The following ACACA variants were observed in gnomAD, a reference collection of about 807,000 sequenced individuals.
ACACA encodes the protein acetyl-CoA carboxylase alpha, also known as acetyl-CoA carboxylase 1.
Under a neutral mutation model 296.1 loss-of-function variants are expected in ACACA, and 103 were observed. The ratio of observed to expected loss-of-function variants is 0.35; its 90% CI spans 0.30 to 0.41. ACACA has a LOEUF of 0.41. Ranked by LOEUF, ACACA falls within the 10% of genes least tolerant of loss-of-function variation. The pLI, the probability that ACACA is intolerant of heterozygous loss-of-function variation, is 1.00. For synonymous variants in ACACA, 953 were observed against 1,038.6 expected (o/e 0.92, Z 1.58); for missense variants, 1,554 against 2,989.7 (o/e 0.52, Z 11.20).
At chr17:37,186,689 G>T (rs1052303847) in intron 39 of ACACA, among the ~76,000 whole-genome samples, 1 of 152,078 alleles carries the variant, frequency 6.6e-6, no homozygotes, top group African/African-American at 2.4e-5. Context: ...TCTTCCTTCA[G>T]GGCTTTTAAA....
rs945091196 is a variant in ACACA, at chr17:37,192,406, G to A, written c.4201-101C>T. 9.9e-6 allele frequency: 11 copies of A among 1,106,746 alleles called. No individual in the cohort carries two copies. In the African/African-American group the frequency reaches 1.7e-4, roughly 17 times the overall value. 68.6% of individuals were successfully genotyped at this position (1,106,746 alleles called of 1,614,324 possible). ...GAGATGCCTGAAAATAGAAACATAAGCTATGATGTGCTAATGAGCAACAAA... is the reference window on the plus strand; with the variant it reads ...GAGATGCCTGAAAATAGAAACATAAACTATGATGTGCTAATGAGCAACAAA... On this transcript the variant is annotated intron_variant, in intron 36 of 55. Coordinates refer to ENST00000616317, the MANE Select transcript of ACACA (RefSeq NM_198834.3).
intron 47 of ACACA, among the ~76,000 whole-genome samples, chr17:37,128,037 A>C (rs941567881): frequency 2.0e-5 from 3 of 148,090 alleles, no homozygotes; most frequent in Admixed American, 6.7e-5. Context: ...AAAAAAAAAA[A>C]AAAAAAAAAA....
chr17:37,193,805 T>C (rs2077868840), intron 35 of ACACA, among the ~76,000 whole-genome samples: 1 of 152,206 alleles, frequency 6.6e-6, no homozygotes, highest in Non-Finnish European at 1.5e-5. Context: ...TTTCCCAAGT[T>C]ACTCTTTAAG....
At chr17:37,228,180 A>G (rs2079642012) in intron 25 of ACACA, among the ~76,000 whole-genome samples, 1 of 145,290 alleles carries the variant, frequency 6.9e-6, no homozygotes, top group East Asian at 2.0e-4. Flanking sequence ...ACTCAATGCC[A>G]TTATGCTGGG....
At chr17:37,309,944 T>C (rs2084053588) in intron 3 of ACACA, among the ~76,000 whole-genome samples, 1 of 151,948 alleles carries the variant, frequency 6.6e-6, no homozygotes, top group African/African-American at 2.4e-5. Context: ...ACCCAGGTAC[T>C]TGGGAGTCTG....
At position 37,205,804 on chromosome 17, in the gene ACACA, G is replaced by T. The variant is rs775079701; in HGVS notation, c.4017C>A (p.Asp1339Glu). The T allele has an allele frequency of 2.5e-6, 4 of 1,613,530 alleles. No individual in the cohort carries two copies. Among genetic ancestry groups the T allele is most frequent in the Non-Finnish European group, 3.4e-6 (4 of 1,179,910 alleles). Reference sequence around the variant, plus strand: ...ATTCTCTGAACATAGCTGCCAGCCTGTCATCCTCAATATCACAGTCAGTCT... The same window carrying T: ...ATTCTCTGAACATAGCTGCCAGCCTTTCATCCTCAATATCACAGTCAGTCT... Reference protein sequence around the residue: ...AIKTDCDIEDDRLAAMFREFT... With the variant: ...AIKTDCDIEDERLAAMFREFT... The change falls in exon 33 of 56, where the codon GAC becomes GAA. Residue 1339 changes from aspartate (D) to glutamate (E), a missense_variant. By Grantham distance (45) the Asp-to-Glu change is conservative. Around this residue, in one of 16 missense-constraint regions of ACACA, gnomAD observed 179 missense variants for 283.2 expected, o/e 0.63. Transcript: ENST00000616317.
chr17:37,301,662 T>C (rs2083623217), intron 3 of ACACA, among the ~76,000 whole-genome samples: 1 of 152,254 alleles, frequency 6.6e-6, no homozygotes, highest in Non-Finnish European at 1.5e-5. Flanking sequence ...TCCATTGACC[T>C]ATATGCCTAG....
intron 45 of ACACA, among the ~76,000 whole-genome samples, chr17:37,139,876 C>T (rs1374660635): frequency 6.6e-6 from 1 of 152,176 alleles, no homozygotes; most frequent in Non-Finnish European, 1.5e-5. Context: ...TGAGACAAGA[C>T]CAGACTCTGA....
chr17:37,406,542 A>G lies in ACACA; in HGVS notation c.-243T>C, dbSNP rs1304537238. On this transcript the variant is annotated 5_prime_UTR_variant, in exon 1 of 56. Coordinates refer to ENST00000616317, the MANE Select transcript of ACACA (RefSeq NM_198834.3). ...TTCCCTTGCTGCAACAGGGGTGGAG[A>G]TGGGAACGTTATCCCCAAACCCAGG... 1.6e-6 allele frequency: 1 copy of G among 607,584 alleles called. No individual in the cohort carries two copies. Among genetic ancestry groups the G allele is most frequent in the Non-Finnish European group, 2.9e-6 (1 of 341,958 alleles). 37.6% of individuals were successfully genotyped at this position (607,584 alleles called of 1,614,324 possible). A position where few individuals can be genotyped will look rare whatever the true frequency, so the allele number is the denominator to read the frequency against.
chr17:37,113,876 A>G lies in ACACA; in HGVS notation c.6275-611T>C, dbSNP rs1031841190. 6.6e-6 allele frequency among the ~76,000 whole-genome samples: 1 copy of G among 152,262 alleles called. No individual in the cohort carries two copies. Among genetic ancestry groups the G allele is most frequent in the Non-Finnish European group, 1.5e-5 (1 of 68,038 alleles). On this transcript the variant is annotated intron_variant, in intron 50 of 55. Transcript: ENST00000616317. This position sits in a 1 kb window ranked among gnomAD's most constrained non-coding sequence, Gnocchi z 4.0. ...ATTAGTTATATACTCTGGAAAGAATATAATGAGAAAGAAAGACAAATTCTT... is the reference window on the plus strand; with the variant it reads ...ATTAGTTATATACTCTGGAAAGAATGTAATGAGAAAGAAAGACAAATTCTT...
rs1381209693 is a variant in ACACA at position 37,204,717 on chromosome 17, G to A, written c.4056+1048C>T. Among the ~76,000 whole-genome samples, 2 of 152,270 alleles carry A rather than the reference G, an allele frequency of 1.3e-5. 1 individual carries two copies. The highest frequency in any genetic ancestry group is 6.8e-3 in the Middle Eastern group (2 of 294). On this transcript the variant is annotated intron_variant, in intron 33 of 55. Transcript: ENST00000616317. ...TGAAAGAAAACTTTCTAGGAAAGAG[G>A]AAGTCAAAGAAGTATAATAAATGAG... is the stretch of plus-strand genomic sequence containing the variant.
chr17:37,378,038 C>A, intron 1 of ACACA: 2 of 1,322,662 alleles, frequency 1.5e-6, no homozygotes, highest in Non-Finnish European at 2.2e-6. Context: ...GATATCTCAT[C>A]TTCCCACTTC....
intron 1 of ACACA, among the ~76,000 whole-genome samples, chr17:37,342,442 T>TATAC (rs1947344073): frequency 2.0e-5 from 2 of 99,262 alleles, no homozygotes; most frequent in Admixed American, 1.1e-4. Flanking sequence ...AAAAAATATA[T>TATAC]ATATATATAT....
At chr17:37,119,586 CCAAACA>C (rs1194332779) in intron 50 of ACACA, among the ~76,000 whole-genome samples, 5 of 110,434 alleles carry the variant, frequency 4.5e-5, no homozygotes, top group Admixed American at 2.1e-4. Flanking sequence ...AACTTTTCAA[CCAAACA>C]CACACACACA....
At chr17:37,119,420 T>C (rs1567682727) in intron 50 of ACACA, among the ~76,000 whole-genome samples, 1 of 152,164 alleles carries the variant, frequency 6.6e-6, no homozygotes. Flanking sequence ...TCTCAATTTC[T>C]CATGGTATTT....
rs554151671 is a variant in ACACA, at chr17:37,381,870, G to A, written c.38+24392C>T. Among the ~76,000 whole-genome samples, 33 of 151,368 alleles carry A rather than the reference G, an allele frequency of 2.2e-4. 1 individual carries two copies. Among genetic ancestry groups the A allele is most frequent in the African/African-American group, 7.8e-4 (32 of 41,288 alleles). ...TCTCGATCGCCTGACCTTGTGATCT[G>A]CCCGCCTTGGCCTCCCAAAGTGCTG... On this transcript the variant is annotated intron_variant, in intron 1 of 55. Transcript: ENST00000616317.
intron 10 of ACACA, among the ~76,000 whole-genome samples, chr17:37,270,352 T>A (rs2082013617): frequency 6.6e-6 from 1 of 152,128 alleles, no homozygotes; most frequent in African/African-American, 2.4e-5. Context: ...AGCAACCATA[T>A]CAGTATCATA....
Position 37,406,383 on chromosome 17 carries a change from A to G in ACACA, c.-84T>C. ...CCAAAGAAGACAATTTCGACGTTCC[A>G]GGAGCATCTGATTGAAACGCACCCT... On this transcript the variant is annotated 5_prime_UTR_variant, in exon 1 of 56. Coordinates refer to ENST00000616317, the MANE Select transcript of ACACA (RefSeq NM_198834.3). 1.3e-6 allele frequency: 2 copies of G among 1,489,352 alleles called. No individual in the cohort carries two copies. Among genetic ancestry groups the G allele is most frequent in the Non-Finnish European group, 1.9e-6 (2 of 1,066,968 alleles). The allele number at this position is 1,489,352 out of a possible 1,614,324, so 92.3% of individuals were successfully genotyped here.
At chr17:37,163,948 C>G (rs1938158794) in intron 41 of ACACA, among the ~76,000 whole-genome samples, 1 of 152,130 alleles carries the variant, frequency 6.6e-6, no homozygotes, top group Non-Finnish European at 1.5e-5. Flanking sequence ...AGTTCCATTT[C>G]TTTTCTATGC....
Sources: gnomAD v4.1 joint callset for allele counts (sites outside exome capture counted in the v4.1 genomes callset) on GRCh38, gnomAD v4.1.1 for gene constraint, gnomAD v4.1.1 regional missense constraint, Gnocchi (gnomAD v3.1) non-coding constraint, MANE v1.5 for transcripts, NCBI Gene and HGNC (gene_info 2026-07-23, HGNC 2026-07-21) for gene names.